The following SYT17 variants were observed in gnomAD, a reference collection of about 807,000 sequenced individuals.
SYT17 encodes the protein synaptotagmin-17.
SYT17 carries 22 observed loss-of-function variants against 46.7 expected under a neutral mutation model. The ratio of observed to expected loss-of-function variants is 0.47; its 90% CI spans 0.34 to 0.67. SYT17 has a LOEUF of 0.67. Among genes scored for constraint, SYT17 ranks in the 30% least tolerant of loss-of-function variants. The pLI is 0.01. For missense variants in SYT17, 519 were observed against 612.8 expected, an observed-to-expected ratio of 0.85 and a Z score of 1.62; for synonymous variants, 251 against 248.4, an observed-to-expected ratio of 1.01 and a Z score of -0.10.
At chr16:19,205,513 C>G (rs758778374) in intron 5 of SYT17, among the ~76,000 whole-genome samples, 51 of 152,060 alleles carry the variant, frequency 3.4e-4, no homozygotes, top group Non-Finnish European at 5.9e-4. Context: ...GATCTCAGCT[C>G]CCTGCAACCC....
intron 7 of SYT17, among the ~76,000 whole-genome samples, chr16:19,240,941 CTTTTTTTTTTT>C (rs970503158): frequency 2.0e-5 from 2 of 98,788 alleles, no homozygotes; most frequent in African/African-American, 4.0e-5. Context: ...AGGCTCAGTT[CTTTTTTTTTTT>C]TTTTTTTTTT....
At chr16:19,173,862 G>A (rs555635231) in intron 3 of SYT17, among the ~76,000 whole-genome samples, 22 of 152,248 alleles carry the variant, frequency 1.4e-4, no homozygotes, top group South Asian at 6.2e-4. Flanking sequence ...GCGTGTGGGC[G>A]TTTTTAGTCA....
intron 5 of SYT17, chr16:19,211,369 A>C: frequency 1.4e-6 from 1 of 703,306 alleles, no homozygotes; most frequent in Non-Finnish European, 2.6e-6. Context: ...TGGGGGCTGC[A>C]CTGCTTGATC....
intron 5 of SYT17, among the ~76,000 whole-genome samples, chr16:19,197,701 C>T (rs62027729): frequency 0.16 from 24,510 of 152,136 alleles, 2,106 homozygotes; most frequent in African/African-American, 0.2. Flanking sequence ...GCAAGGATTA[C>T]AGGCATGAAC....
chr16:19,226,985 G>A (rs1158018158), intron 7 of SYT17, among the ~76,000 whole-genome samples: 3 of 152,214 alleles, frequency 2.0e-5, no homozygotes, highest in African/African-American at 7.2e-5. Context: ...ATGTGCCTGT[G>A]CTGGGGAGCT....
intron 7 of SYT17, among the ~76,000 whole-genome samples, chr16:19,233,454 G>A (rs1307984597): frequency 6.6e-6 from 1 of 151,292 alleles, no homozygotes; most frequent in Non-Finnish European, 1.5e-5. Flanking sequence ...GAGATCGAGA[G>A]CAGCCTGGGC....
intron 1 of SYT17, chr16:19,169,812 T>C (rs560919071): frequency 3.3e-5 from 5 of 152,166 alleles, no homozygotes; most frequent in South Asian, 2.1e-4. Context: ...CAACAAACAC[T>C]TGGGCGACCG....
intron 5 of SYT17, among the ~76,000 whole-genome samples, chr16:19,208,574 C>T (rs1965761745): frequency 6.6e-6 from 1 of 152,170 alleles, no homozygotes; most frequent in Admixed American, 6.5e-5. Flanking sequence ...TCACCTCCCA[C>T]CAGGTCCCTC....
Position 19,183,620 on chromosome 16 carries a change from T to G in SYT17, c.424T>G (p.Ser142Ala), listed in dbSNP as rs959373989. The change falls in exon 5 of 8, where the codon TCG becomes GCG. Residue 142 changes from serine (S) to alanine (A), a missense_variant. Transcript: ENST00000355377. This position sits in a 1 kb window ranked among gnomAD's most constrained non-coding sequence, Gnocchi z 5.6. ...LSAKKEPIQPSVLRRTYNPDD... is the reference protein window; with the variant it reads ...LSAKKEPIQPAVLRRTYNPDD... ...CGCCAAGAAGGAGCCCATCCAACCTTCGGTGCTCAGACGGACCTATAACCC... is the reference window on the plus strand; with the variant it reads ...CGCCAAGAAGGAGCCCATCCAACCTGCGGTGCTCAGACGGACCTATAACCC... 6.2e-7 allele frequency: 1 copy of G among 1,614,106 alleles called. No individual in the cohort carries two copies. The highest frequency in any genetic ancestry group is 8.5e-7 in the Non-Finnish European group (1 of 1,180,006).
rs189841706 is a variant in SYT17 at position 19,173,819 on chromosome 16, G to A, written c.182+241G>A. On this transcript the variant is annotated intron_variant, in intron 3 of 7. Transcript: ENST00000355377. ...GTTTTAGTTCACCTAGTGGCACATC[G>A]GGCCTTCTGAGATACGAACCGTGTA... Among the ~76,000 whole-genome samples the A allele has an allele frequency of 1.3e-4, 20 of 152,200 alleles. 1 individual carries two copies. The East Asian group carries it at 1.4e-3, about 10-fold the overall frequency.
intron 1 of SYT17, chr16:19,171,204 T>C (rs930034934): frequency 2.0e-5 from 3 of 152,914 alleles, no homozygotes; most frequent in African/African-American, 7.2e-5. Flanking sequence ...TTGTGATAAG[T>C]GCCTTTGACT....
chr16:19,265,187 A>AT (rs1969278999), intron 7 of SYT17, among the ~76,000 whole-genome samples: 1 of 152,270 alleles, frequency 6.6e-6, no homozygotes, highest in African/African-American at 2.4e-5. Context: ...CTGTTCAATT[A>AT]TTTTTTCAAA....
rs1964157969 is a variant in SYT17, at chr16:19,172,927, A to G, written c.33+150A>G. 3 of 987,738 alleles carry G rather than the reference A, an allele frequency of 3.0e-6. No homozygotes were observed. The African/African-American group carries it at 4.9e-5, about 16-fold the overall frequency. 61.2% of individuals were successfully genotyped at this position (987,738 alleles called of 1,614,324 possible). ...GCACAGTTTCCATTCCTTTCTACCG[A>G]AAGGAGATCCCGGTTTTGAAAAGAC... On this transcript the variant is annotated intron_variant, in intron 2 of 7. Transcript: ENST00000355377.
chr16:19,172,718 T>C (rs1567195791), intron 1 of SYT17, 42 bp from the exon 2 acceptor site: 1 of 1,612,260 alleles, frequency 6.2e-7, no homozygotes, highest in Non-Finnish European at 8.5e-7. Context: ...ACCCCTTCGT[T>C]CCCTTACGCC....
chr16:19,177,586 G>A (rs756569982), intron 3 of SYT17, among the ~76,000 whole-genome samples: 2 of 152,204 alleles, frequency 1.3e-5, no homozygotes, highest in Non-Finnish European at 2.9e-5. Context: ...TTCCTACTGC[G>A]ACATTTGAGC....
intron 5 of SYT17, among the ~76,000 whole-genome samples, chr16:19,207,241 G>A (rs374336622): frequency 2.6e-5 from 4 of 152,266 alleles, no homozygotes; most frequent in East Asian, 3.9e-4. Flanking sequence ...GCAGGACCAC[G>A]AGCCACTTAA....
At chr16:19,171,091 G>GA (rs1964063561) in intron 1 of SYT17, 1 of 152,212 alleles carries the variant, frequency 6.6e-6, no homozygotes, top group Admixed American at 6.5e-5. Context: ...TCAGTCGATG[G>GA]TGAGACTAGG....
At chr16:19,184,797 T>C (rs1327837406) in intron 5 of SYT17, among the ~76,000 whole-genome samples, 1 of 152,192 alleles carries the variant, frequency 6.6e-6, no homozygotes, top group African/African-American at 2.4e-5. Flanking sequence ...AAGCTATCAA[T>C]CATTTTGACT....
intron 5 of SYT17, among the ~76,000 whole-genome samples, chr16:19,211,706 C>T (rs1330695584): frequency 4.0e-5 from 6 of 151,836 alleles, no homozygotes; most frequent in East Asian, 3.9e-4. Context: ...CTGCAAGCTC[C>T]GCTCCACCTC....
Sources: allele counts gnomAD v4.1 joint callset (sites outside exome capture counted in the v4.1 genomes callset), GRCh38; gene constraint gnomAD v4.1.1; non-coding constraint Gnocchi (gnomAD v3.1); transcripts MANE v1.5; gene names NCBI Gene and HGNC (gene_info 2026-07-23, HGNC 2026-07-21).